Variants in GABRG3 observed in about 807,000 individuals in gnomAD.
GABRG3 encodes the protein gamma-aminobutyric acid type A receptor subunit gamma3, also known as gamma-aminobutyric acid receptor subunit gamma-3.
A neutral mutation model predicts 48.8 loss-of-function variants in GABRG3; 25 were observed. The observed-to-expected ratio is 0.51, with a 90% CI of 0.37 to 0.72. GABRG3 has a LOEUF of 0.72. Among genes scored for constraint, GABRG3 ranks in the 30% least tolerant of loss-of-function variants. The pLI is 0.00. For synonymous variants in GABRG3, 227 were observed against 217.6 expected, an observed-to-expected ratio of 1.04 and a Z score of -0.38; for missense variants, 394 against 577.9, an observed-to-expected ratio of 0.68 and a Z score of 3.26.
chr15:27,459,254 C>T (rs1290265925), intron 5 of GABRG3, among the ~76,000 whole-genome samples: 7 of 152,234 alleles, frequency 4.6e-5, no homozygotes, highest in African/African-American at 1.7e-4. Context: ...TCTTGTGTTC[C>T]TGCTGCTGGG....
At chr15:27,280,942 G>A (rs1393211625) in intron 3 of GABRG3, among the ~76,000 whole-genome samples, 1 of 152,150 alleles carries the variant, frequency 6.6e-6, no homozygotes. Flanking sequence ...AACTATAACA[G>A]TGGATGTGTC....
Position 27,222,113 on chromosome 15 carries a change from A to G in GABRG3, c.271-104696A>G, listed in dbSNP as rs180717810. 6.6e-4 allele frequency among the ~76,000 whole-genome samples: 101 copies of G among 152,336 alleles called. No individual in the cohort carries two copies. The East Asian group carries it at 7.9e-3, about 12-fold the overall frequency. On this transcript the variant is annotated intron_variant, in intron 3 of 9. Transcript: ENST00000615808. ...GAGAACCTTAGTCCCTTAAATCTCT[A>G]GCACGTTCTTCCACAGAAGATGCCC...
chr15:27,070,171 GCAAAA>G (rs1896804436), intron 3 of GABRG3, among the ~76,000 whole-genome samples: 1 of 152,240 alleles, frequency 6.6e-6, no homozygotes. Flanking sequence ...CATCTTGTCT[GCAAAA>G]CAAAACCTTT....
intron 2 of GABRG3, among the ~76,000 whole-genome samples, chr15:26,998,264 G>A (rs1895377051): frequency 6.7e-6 from 1 of 149,004 alleles, no homozygotes; most frequent in South Asian, 2.1e-4. Context: ...CAAGAGCTTT[G>A]TTGTTTTCAA....
At chr15:27,132,491 T>TG (rs1897936375) in intron 3 of GABRG3, among the ~76,000 whole-genome samples, 1 of 147,380 alleles carries the variant, frequency 6.8e-6, no homozygotes, top group Non-Finnish European at 1.5e-5. Flanking sequence ...TTTTTTTTTT[T>TG]TTTTTTTTTG....
chr15:26,996,621 CTTATTTAT>C (rs147458553), intron 2 of GABRG3, among the ~76,000 whole-genome samples: 18 of 149,812 alleles, frequency 1.2e-4, no homozygotes, highest in Non-Finnish European at 2.1e-4. Flanking sequence ...TATATACTGG[CTTATTTAT>C]TTATTTATTT....
intron 5 of GABRG3, among the ~76,000 whole-genome samples, chr15:27,443,726 A>T (rs1407382023): frequency 6.6e-6 from 1 of 152,124 alleles, no homozygotes; most frequent in Non-Finnish European, 1.5e-5. Context: ...CTTATTCATG[A>T]TCTTAGAGGG....
intron 5 of GABRG3, among the ~76,000 whole-genome samples, chr15:27,356,240 A>T (rs1894834759): frequency 6.6e-6 from 1 of 152,152 alleles, no homozygotes; most frequent in South Asian, 2.1e-4. Context: ...CACCTGGAAG[A>T]AAAAACAAAG....
intron 3 of GABRG3, among the ~76,000 whole-genome samples, chr15:27,247,606 A>G (rs1890307932): frequency 6.6e-6 from 1 of 152,190 alleles, no homozygotes; most frequent in Non-Finnish European, 1.5e-5. Context: ...CTGCTGTAAC[A>G]TGGTGTATTA....
chr15:27,460,057 C>T (rs543169761), intron 5 of GABRG3, among the ~76,000 whole-genome samples: 1 of 152,240 alleles, frequency 6.6e-6, no homozygotes, highest in South Asian at 2.1e-4. Context: ...AAGGCCATGT[C>T]TCTGAAGCCA....
intron 3 of GABRG3, among the ~76,000 whole-genome samples, chr15:27,045,938 C>A (rs1176416892): frequency 6.6e-6 from 1 of 152,172 alleles, no homozygotes; most frequent in African/African-American, 2.4e-5. Flanking sequence ...TCTTCACCTG[C>A]ACATGGTGAT....
intron 5 of GABRG3, chr15:27,366,472 G>A (rs1284079659): frequency 1.3e-5 from 2 of 152,198 alleles, no homozygotes; most frequent in Non-Finnish European, 2.9e-5. Context: ...GTTAGGAACA[G>A]GCCTTTGATC....
At chr15:26,999,111 A>G in intron 2 of GABRG3, among the ~76,000 whole-genome samples, 1 of 151,304 alleles carries the variant, frequency 6.6e-6, no homozygotes, top group Admixed American at 6.6e-5. Context: ...GATTAAACCA[A>G]CCATGGGTAG....
intron 2 of GABRG3, among the ~76,000 whole-genome samples, chr15:26,983,223 TG>T (rs1347279092): frequency 1.3e-5 from 2 of 151,890 alleles, no homozygotes; most frequent in Admixed American, 6.6e-5. Flanking sequence ...CTTATCAAGG[TG>T]CAGTGAACTT....
chr15:27,098,204 C>T lies in GABRG3; in HGVS notation c.270+71383C>T, dbSNP rs79266720. On this transcript the variant is annotated intron_variant, in intron 3 of 9. Coordinates refer to ENST00000615808, the MANE Select transcript of GABRG3 (RefSeq NM_033223.5). Reference sequence around the variant, plus strand: ...ATCCCAGCACTTTGAGAGGCCAAGGCGAGTGGATCACCTGAGGTCAGGAGT... The same window carrying T: ...ATCCCAGCACTTTGAGAGGCCAAGGTGAGTGGATCACCTGAGGTCAGGAGT... Among the ~76,000 whole-genome samples the T allele has an allele frequency of 2.2e-4, 34 of 152,110 alleles. No homozygotes were observed. In the East Asian group the frequency reaches 5.4e-3, roughly 24 times the overall value.
At position 27,352,750 on chromosome 15, in the gene GABRG3, C is replaced by G. The variant is rs1387000014; in HGVS notation, c.574+23862C>G. Among the ~76,000 whole-genome samples the G allele has an allele frequency of 1.3e-5, 2 of 152,096 alleles. No homozygotes were observed. The highest frequency in any genetic ancestry group is 6.5e-5 in the Admixed American group (1 of 15,276). ...AGGAGCTCAGTGTCTTCCCCATATG[C>G]CACGTTTCACGCAGATGCATGGGGT... On this transcript the variant is annotated intron_variant, in intron 5 of 9. Transcript: ENST00000615808. This position sits in a 1 kb window ranked among gnomAD's most constrained non-coding sequence, Gnocchi z 4.0.
In GABRG3 at chr15:27,302,273, TATAAG is replaced by T. The variant is rs567531641; in HGVS notation, c.271-24532_271-24528del. On this transcript the variant is annotated intron_variant, in intron 3 of 9. Transcript: ENST00000615808. ...ATAAAGTGGAGAGGGTAACGGAATC[TATAAG>T]ATATTAGCTATACATTCCAAATGAA... Among the ~76,000 whole-genome samples the T allele has an allele frequency of 3.3e-4, 50 of 152,230 alleles. 1 individual carries two copies. In the South Asian group the frequency reaches 6.8e-3, roughly 21 times the overall value.
At chr15:27,112,901 C>T (rs1324704177) in intron 3 of GABRG3, among the ~76,000 whole-genome samples, 1 of 152,196 alleles carries the variant, frequency 6.6e-6, no homozygotes, top group Non-Finnish European at 1.5e-5. Flanking sequence ...ATATTTACAG[C>T]TAGCAATCCC....
chr15:27,504,786 T>C (rs1890724736), intron 6 of GABRG3, among the ~76,000 whole-genome samples: 1 of 152,160 alleles, frequency 6.6e-6, no homozygotes, highest in South Asian at 2.1e-4. Context: ...AGCTTTCATG[T>C]CTAGGAAAGT....
Sources: gnomAD v4.1 joint callset for allele counts (sites outside exome capture counted in the v4.1 genomes callset) on GRCh38, gnomAD v4.1.1 for gene constraint, Gnocchi (gnomAD v3.1) non-coding constraint, MANE v1.5 for transcripts, NCBI Gene and HGNC (gene_info 2026-07-23, HGNC 2026-07-21) for gene names.